The following RNF220 variants were observed in gnomAD, a reference collection of about 807,000 sequenced individuals.
RNF220 encodes the protein E3 ubiquitin-protein ligase RNF220.
A neutral mutation model predicts 67.1 loss-of-function variants in RNF220; 7 were observed. The observed-to-expected ratio is 0.10, with a 90% CI of 0.06 to 0.20. The LOEUF is 0.20. RNF220 is among the 10% of genes least tolerant of loss of function. The probability of loss-of-function intolerance (pLI) is 1.00; values close to 1 mark genes in which losing one functional copy is unlikely to be tolerated. For synonymous variants in RNF220, 270 were observed against 283.2 expected (o/e 0.95, Z 0.47); for missense variants, 565 against 740.3 (o/e 0.76, Z 2.75).
At chr1:44,532,773 G>GA (rs1160674298) in intron 2 of RNF220, among the ~76,000 whole-genome samples, 1 of 152,194 alleles carries the variant, frequency 6.6e-6, no homozygotes, top group Non-Finnish European at 1.5e-5. Flanking sequence ...GCAATCTTAT[G>GA]AAAAACACCA....
At chr1:44,545,101 G>A (rs1451867130) in intron 2 of RNF220, among the ~76,000 whole-genome samples, 1 of 152,234 alleles carries the variant, frequency 6.6e-6, no homozygotes, top group Non-Finnish European at 1.5e-5. Context: ...GGGACACCTC[G>A]GCGTTGCCTC....
intron 2 of RNF220, chr1:44,423,741 T>A: frequency 1.6e-6 from 1 of 633,700 alleles, no homozygotes; most frequent in Non-Finnish European, 2.0e-6. Context: ...GAGTACTCGC[T>A]TGGCCGTTAA....
chr1:44,500,448 T>G (rs1657734828), intron 2 of RNF220, among the ~76,000 whole-genome samples: 1 of 152,172 alleles, frequency 6.6e-6, no homozygotes, highest in South Asian at 2.1e-4. Flanking sequence ...CTTGTCTTGC[T>G]CTCTTTTTCT....
rs185002867 is a variant in RNF220, at chr1:44,556,252, T to C, written c.626-57913T>C. 8.0e-4 allele frequency among the ~76,000 whole-genome samples: 121 copies of C among 150,680 alleles called. 11 individuals carry two copies. The East Asian group carries it at 0.015, about 19-fold the overall frequency. ...TTTCACCAAGTTGGCCAGGCTGGTC[T>C]CGAACTCCTGACTTCAAGTGATCCA... On this transcript the variant is annotated intron_variant, in intron 2 of 14. Transcript: ENST00000361799.
chr1:44,536,200 C>T (rs141363300), intron 2 of RNF220, among the ~76,000 whole-genome samples: 1 of 152,280 alleles, frequency 6.6e-6, no homozygotes, highest in East Asian at 1.9e-4. Flanking sequence ...TCCCAGAACA[C>T]TGAGTGGGTG....
intron 2 of RNF220, among the ~76,000 whole-genome samples, chr1:44,449,516 T>C (rs1309407675): frequency 6.6e-6 from 1 of 152,084 alleles, no homozygotes; most frequent in African/African-American, 2.4e-5. Context: ...TGGGCTCTGG[T>C]GATCCACCTA....
At chr1:44,587,103 C>T (rs909805949) in intron 2 of RNF220, among the ~76,000 whole-genome samples, 12 of 150,612 alleles carry the variant, frequency 8.0e-5, no homozygotes, top group Non-Finnish European at 1.8e-4. Context: ...AAAGTTGGTG[C>T]AGTTTGAAAT....
At chr1:44,528,636 A>ACAGAATCT (rs1660593720) in intron 2 of RNF220, among the ~76,000 whole-genome samples, 1 of 132,596 alleles carries the variant, frequency 7.5e-6, no homozygotes, top group African/African-American at 2.9e-5. Context: ...TTTTTTTGAG[A>ACAGAATCT]CAGAATCTCA....
chr1:44,520,639 C>G (rs780934169), intron 2 of RNF220, among the ~76,000 whole-genome samples: 1 of 152,204 alleles, frequency 6.6e-6, no homozygotes, highest in Non-Finnish European at 1.5e-5. Context: ...CAAGCCTTCC[C>G]TACTGCTCTT....
chr1:44,604,218 A>T (rs914774948), intron 2 of RNF220, among the ~76,000 whole-genome samples: 3 of 152,196 alleles, frequency 2.0e-5, no homozygotes, highest in Non-Finnish European at 2.9e-5. Context: ...CAGCACAAGC[A>T]TGTGTGTGTC....
In RNF220 at chr1:44,510,171, C is replaced by G. The variant is rs552559829; in HGVS notation, c.625+97449C>G. Among the ~76,000 whole-genome samples the G allele has an allele frequency of 5.0e-5, 7 of 141,092 alleles. No individual in the cohort carries two copies. In the East Asian group the frequency reaches 1.5e-3, roughly 31 times the overall value. The allele number at this position is 141,092 out of a possible 152,430, so 92.6% of individuals were successfully genotyped here. On this transcript the variant is annotated intron_variant, in intron 2 of 14. Coordinates refer to ENST00000361799, the MANE Select transcript of RNF220 (RefSeq NM_018150.4). Reference sequence around the variant, plus strand: ...AGAGGATTGCTTGAGCCCAGGAGGTCAAGGCAGCAGTGAATAGAGATCACG... The same window carrying G: ...AGAGGATTGCTTGAGCCCAGGAGGTGAAGGCAGCAGTGAATAGAGATCACG...
intron 2 of RNF220, among the ~76,000 whole-genome samples, chr1:44,457,055 C>T (rs1653264193): frequency 6.6e-6 from 1 of 152,040 alleles, no homozygotes; most frequent in Non-Finnish European, 1.5e-5. Flanking sequence ...AGCTGTAGCT[C>T]CAATGTTAAT....
At chr1:44,572,923 A>T (rs1399348234) in intron 2 of RNF220, 1 of 351,300 alleles carries the variant, frequency 2.8e-6, no homozygotes, top group Non-Finnish European at 5.9e-6. Context: ...GAAGGGAAAG[A>T]TCCTCCAGGT....
intron 2 of RNF220, among the ~76,000 whole-genome samples, chr1:44,514,624 A>G (rs956808121): frequency 6.6e-6 from 1 of 152,138 alleles, no homozygotes; most frequent in Admixed American, 6.6e-5. Context: ...TTTACTTGGG[A>G]TTTAGGTGTT....
chr1:44,418,360 G>C (rs912317368), intron 2 of RNF220, among the ~76,000 whole-genome samples: 1 of 152,238 alleles, frequency 6.6e-6, no homozygotes, highest in Non-Finnish European at 1.5e-5. Flanking sequence ...CCAGGACTCT[G>C]AGGCTTCTCC....
At chr1:44,521,434 T>A (rs1659932643) in intron 2 of RNF220, among the ~76,000 whole-genome samples, 1 of 152,104 alleles carries the variant, frequency 6.6e-6, no homozygotes, top group Non-Finnish European at 1.5e-5. Flanking sequence ...TGAAATGCTG[T>A]AGAGAACAAT....
intron 4 of RNF220, 90 bp from the exon 5 acceptor site, chr1:44,626,207 G>T: frequency 1.1e-6 from 1 of 919,640 alleles, no homozygotes; most frequent in African/African-American, 1.6e-5. Flanking sequence ...TCTTTGCCTG[G>T]CTCCCCAAAG....
At chr1:44,595,861 T>TCACGCCATCCTCCCACCTC in intron 2 of RNF220, among the ~76,000 whole-genome samples, 1 of 152,290 alleles carries the variant, frequency 6.6e-6, no homozygotes, top group South Asian at 2.1e-4. Flanking sequence ...CCTCCCGGGT[T>TCACGCCATCCTCCCACCTC]CACGCCATCC....
At chr1:44,514,506 A>C (rs190902016) in intron 2 of RNF220, among the ~76,000 whole-genome samples, 63 of 152,282 alleles carry the variant, frequency 4.1e-4, no homozygotes, top group African/African-American at 1.5e-3. Context: ...TGTGAGCTTC[A>C]CTAGAAGCTC....
Sources: gnomAD v4.1 joint callset for allele counts (sites outside exome capture counted in the v4.1 genomes callset) on GRCh38, gnomAD v4.1.1 for gene constraint, MANE v1.5 for transcripts, NCBI Gene and HGNC (gene_info 2026-07-23, HGNC 2026-07-21) for gene names.